Variants in ATP2B2 observed in about 807,000 individuals in gnomAD.
ATP2B2 encodes ATPase plasma membrane Ca2+ transporting 2, also known as plasma membrane calcium-transporting ATPase 2.
A neutral mutation model predicts 120.0 loss-of-function variants in ATP2B2; 15 were observed. That is an observed-to-expected ratio of 0.12 (90% CI 0.08 to 0.19). ATP2B2 has a LOEUF of 0.19. ATP2B2 is among the 10% of genes least tolerant of loss of function. The pLI, the probability that ATP2B2 is intolerant of heterozygous loss-of-function variation, is 1.00. For synonymous variants in ATP2B2, 694 were observed against 700.3 expected, an observed-to-expected ratio of 0.99 and a Z score of 0.14; for missense variants, 1,045 against 1,719.8, an observed-to-expected ratio of 0.61 and a Z score of 6.94.
rs1481122155 is a variant in ATP2B2, at chr3:10,324,328, C to T, written c.*4486G>A. On this transcript the variant is annotated 3_prime_UTR_variant, in exon 23 of 23. Coordinates refer to ENST00000360273, the MANE Select transcript of ATP2B2 (RefSeq NM_001001331.4). ...GGAGAGCACCACAGGCATTACAAAA[C>T]AGACTTAGGGGGCTGAGAAGGGCAG... 2 of 151,924 alleles carry T rather than the reference C, an allele frequency of 1.3e-5. No homozygotes were observed. Among genetic ancestry groups the T allele is most frequent in the Non-Finnish European group, 2.9e-5 (2 of 68,010 alleles). 9.4% of individuals were successfully genotyped at this position (151,924 alleles called of 1,614,324 possible). A position where few individuals can be genotyped will look rare whatever the true frequency, so the allele number is the denominator to read the frequency against.
chr3:10,591,332 A>C (rs1032197254), intron 2 of ATP2B2, among the ~76,000 whole-genome samples: 2 of 152,136 alleles, frequency 1.3e-5, no homozygotes, highest in Admixed American at 6.5e-5. Context: ...TCTGTCCTCC[A>C]TACAGCAGGC....
At chr3:10,379,632 C>G (rs2061476029) in intron 8 of ATP2B2, among the ~76,000 whole-genome samples, 1 of 152,178 alleles carries the variant, frequency 6.6e-6, no homozygotes, top group Non-Finnish European at 1.5e-5. Context: ...GAGAAGCACT[C>G]AGGCCCCCAC....
intron 1 of ATP2B2, among the ~76,000 whole-genome samples, chr3:10,462,465 C>T (rs1260646497): frequency 6.6e-6 from 1 of 152,228 alleles, no homozygotes; most frequent in Non-Finnish European, 1.5e-5. Context: ...CTTACATCCT[C>T]CTTCAGTGAC....
chr3:10,574,144 T>G (rs1197033437), intron 2 of ATP2B2, among the ~76,000 whole-genome samples: 1 of 152,246 alleles, frequency 6.6e-6, no homozygotes. Context: ...AGTTATCTTC[T>G]GCTTTCTGCT....
intron 1 of ATP2B2, among the ~76,000 whole-genome samples, chr3:10,486,535 G>A (rs1235003402): frequency 6.6e-6 from 1 of 152,074 alleles, no homozygotes; most frequent in East Asian, 1.9e-4. Flanking sequence ...TGCCCAGTAT[G>A]TTCTCACCTC....
At chr3:10,379,787 CAG>C (rs35701693) in intron 8 of ATP2B2, among the ~76,000 whole-genome samples, 3 of 151,606 alleles carry the variant, frequency 2.0e-5, no homozygotes, top group African/African-American at 4.8e-5. Context: ...GAAAGAGAGA[CAG>C]AGAGAGAGGA....
chr3:10,665,164 C>T (rs2070894943), intron 1 of ATP2B2, among the ~76,000 whole-genome samples: 1 of 152,204 alleles, frequency 6.6e-6, no homozygotes, highest in African/African-American at 2.4e-5. Context: ...CTGAAGCTTC[C>T]CTTTGCATTG....
chr3:10,375,181 G>C lies in ATP2B2; in HGVS notation c.1416+249C>G, dbSNP rs1056198717. Among the ~76,000 whole-genome samples, 1 of 152,230 alleles carries C rather than the reference G, an allele frequency of 6.6e-6. No homozygotes were observed. Among genetic ancestry groups the C allele is most frequent in the African/African-American group, 2.4e-5 (1 of 41,450 alleles). On this transcript the variant is annotated intron_variant, in intron 11 of 22. Coordinates refer to ENST00000360273, the MANE Select transcript of ATP2B2 (RefSeq NM_001001331.4). The surrounding 1 kb of genome is among the most constrained non-coding windows in gnomAD (Gnocchi z 4.2). ...TGCTGGGCCTGCACCCCTGCAAGGC[G>C]GCGTGTGGCTGGGCTGAATAACAGC...
At chr3:10,608,143 C>G (rs1160950628) in intron 2 of ATP2B2, among the ~76,000 whole-genome samples, 1 of 152,254 alleles carries the variant, frequency 6.6e-6, no homozygotes, top group African/African-American at 2.4e-5. Flanking sequence ...GGTCTAAGCA[C>G]TGGCCTCTAG....
rs564343850 is a variant in ATP2B2, at chr3:10,340,747, G to A, written c.2918-43C>T. 16 of 1,602,042 alleles carry A rather than the reference G, an allele frequency of 1.0e-5. No homozygotes were observed. In the African/African-American group the frequency reaches 1.7e-4, roughly 17 times the overall value. ...GGGGCTGGGCTGAAGGCAGTGGTGG[G>A]GGAATCAGAGGGGAGATGCCTGGCC... is the stretch of plus-strand genomic sequence containing the variant. On this transcript the variant is annotated intron_variant, in intron 19 of 22. Coordinates refer to ENST00000360273, the MANE Select transcript of ATP2B2 (RefSeq NM_001001331.4). The surrounding 1 kb of genome is among the most constrained non-coding windows in gnomAD (Gnocchi z 5.0).
intron 1 of ATP2B2, among the ~76,000 whole-genome samples, chr3:10,703,995 C>A (rs902587989): frequency 4.6e-5 from 7 of 152,160 alleles, no homozygotes; most frequent in Non-Finnish European, 7.4e-5. Flanking sequence ...AGCCTGCTTA[C>A]CCTGCCTCAC....
rs1207157566 is a variant in ATP2B2, at chr3:10,633,366, C to G, written c.-459-13405G>C. ...TAACAGCAGACAGGATGCCCTCCAT[C>G]CTGGATTTGCCGCTCCTTCCCAGAA... On this transcript the variant is annotated intron_variant, in intron 1 of 21. Transcript: ENST00000646379. 2.0e-5 allele frequency among the ~76,000 whole-genome samples: 3 copies of G among 152,186 alleles called. No individual in the cohort carries two copies. The East Asian group carries it at 5.8e-4, about 29-fold the overall frequency.
intron 2 of ATP2B2, among the ~76,000 whole-genome samples, chr3:10,446,677 G>A (rs2063847565): frequency 6.6e-6 from 1 of 152,146 alleles, no homozygotes; most frequent in East Asian, 1.9e-4. Context: ...CCTGGGAGAT[G>A]CTTCTAGGGA....
In ATP2B2 at chr3:10,388,221, A is replaced by C. The variant is rs548636137; in HGVS notation, c.907+56T>G. 292 of 1,613,068 alleles carry C rather than the reference A, an allele frequency of 1.8e-4. 1 individual carries two copies. The South Asian group carries it at 2.8e-3, about 16-fold the overall frequency. ...TTTTGTTGAGTGAACAAATAAACAA[A>C]AAAAAAATGTGGCCTTAAGAGCTCC... On this transcript the variant is annotated intron_variant, in intron 6 of 22. Coordinates refer to ENST00000360273, the MANE Select transcript of ATP2B2 (RefSeq NM_001001331.4).
chr3:10,675,790 G>C (rs557558160), intron 1 of ATP2B2, among the ~76,000 whole-genome samples: 2 of 152,300 alleles, frequency 1.3e-5, no homozygotes, highest in South Asian at 4.1e-4. Flanking sequence ...CCACATGCAA[G>C]GCCACAGCCT....
At position 10,371,927 on chromosome 3, in the gene ATP2B2, G is replaced by A; in HGVS notation, c.1541C>T (p.Ala514Val). ...TTTATAGTGGACGTCGCCGACATAGGCCTGTACCACTGTCATGCGATTGGT... is the reference window on the plus strand; with the variant it reads ...TTTATAGTGGACGTCGCCGACATAGACCTGTACCACTGTCATGCGATTGGT... ...LTTNRMTVVQAYVGDVHYKEI... is the reference protein window; with the variant it reads ...LTTNRMTVVQVYVGDVHYKEI... Residue 514 changes from alanine to valine, a missense_variant, in exon 12 of 23, where the codon GCC (alanine) becomes GTC (valine). By Grantham distance (64) the Ala-to-Val change is moderately conservative. Transcript: ENST00000360273. The A allele has an allele frequency of 2.5e-6, 4 of 1,614,206 alleles. No individual in the cohort carries two copies. Among genetic ancestry groups the A allele is most frequent in the Non-Finnish European group, 3.4e-6 (4 of 1,180,040 alleles).
At chr3:10,399,146 T>C (rs2062138194) in intron 5 of ATP2B2, among the ~76,000 whole-genome samples, 1 of 152,212 alleles carries the variant, frequency 6.6e-6, no homozygotes, top group Non-Finnish European at 1.5e-5. Flanking sequence ...TGCCCCGGGC[T>C]TCCACATATC....
intron 8 of ATP2B2, among the ~76,000 whole-genome samples, chr3:10,380,471 T>A (rs561424147): frequency 6.6e-6 from 1 of 152,326 alleles, no homozygotes; most frequent in South Asian, 2.1e-4. Flanking sequence ...AGCTCTGAGA[T>A]TCCATCTAAT....
At chr3:10,698,852 A>G (rs1433851268) in intron 1 of ATP2B2, among the ~76,000 whole-genome samples, 1 of 152,236 alleles carries the variant, frequency 6.6e-6, no homozygotes, top group Non-Finnish European at 1.5e-5. Context: ...GGATGGAGAC[A>G]TTCCTTGCAG....
Sources: allele counts gnomAD v4.1 joint callset (sites outside exome capture counted in the v4.1 genomes callset), GRCh38; gene constraint gnomAD v4.1.1; non-coding constraint Gnocchi (gnomAD v3.1); transcripts MANE v1.5; gene names NCBI Gene and HGNC (gene_info 2026-07-23, HGNC 2026-07-21).